Variants in RAB34 observed in about 807,000 individuals in gnomAD.
RAB34 encodes the protein RAB34, member RAS oncogene family.
A neutral mutation model predicts 39.0 loss-of-function variants in RAB34; 33 were observed. That is an observed-to-expected ratio of 0.85 (90% confidence interval 0.64 to 1.13). The LOEUF (loss-of-function observed/expected upper bound fraction) is 1.13. Ranked by LOEUF, RAB34 falls within the 50% of genes most tolerant of loss-of-function variation. The probability of loss-of-function intolerance (pLI) is 0.00; values close to 1 mark genes in which losing one functional copy is unlikely to be tolerated. For missense variants in RAB34, 289 were observed against 326.1 expected (o/e 0.89, Z 0.88); for synonymous variants, 135 against 125.1 (o/e 1.08, Z -0.53).
At position 28,717,390 on chromosome 17, in the gene RAB34, ACG is replaced by A. The variant is rs1567739515; in HGVS notation, c.-126_-125del. On this transcript the variant is annotated 5_prime_UTR_variant, in exon 1 of 10. It introduces an in-frame stop codon into an upstream open reading frame of the 5' UTR. Coordinates refer to ENST00000395245, the MANE Select transcript of RAB34 (RefSeq NM_031934.6). ...GGTGTCCCGACTACAACTCGGGGCC[ACG>A]GGGACCCTACGGGAGTCCGCGGTCT... 6.6e-7 allele frequency: 1 copy of A among 1,523,384 alleles called. No homozygotes were observed. Among genetic ancestry groups the A allele is most frequent in the African/African-American group, 1.4e-5 (1 of 72,194 alleles). 94.4% of individuals were successfully genotyped at this position (1,523,384 alleles called of 1,614,324 possible).
intron 3 of RAB34, 43 bp from the exon 4 acceptor site, chr17:28,715,944 G>A (rs2033347126): frequency 1.2e-6 from 2 of 1,612,764 alleles, no homozygotes; most frequent in Non-Finnish European, 1.7e-6. Context: ...CAGCCCACCT[G>A]GCTAGGCTTG....
In RAB34 at chr17:28,717,606, G is replaced by C. The variant is rs574314550; in HGVS notation, c.-340C>G. 7.1e-7 allele frequency: 1 copy of C among 1,400,710 alleles called. No homozygotes were observed. Among genetic ancestry groups the C allele is most frequent in the Admixed American group, 3.2e-5 (1 of 31,060 alleles). The allele number at this position is 1,400,710 out of a possible 1,614,324, so 86.8% of individuals were successfully genotyped here. On this transcript the variant is annotated 5_prime_UTR_variant, in exon 1 of 10. Coordinates refer to ENST00000395245, the MANE Select transcript of RAB34 (RefSeq NM_031934.6). ...GCCCGCGCAGACCCTACGATTACGCGGGGCCGGATAGTTCCTACGATTACG... is the reference window on the plus strand; with the variant it reads ...GCCCGCGCAGACCCTACGATTACGCCGGGCCGGATAGTTCCTACGATTACG...
intron 4 of RAB34, 28 bp downstream of exon 4, chr17:28,715,772 T>G (rs1422419531): frequency 6.8e-6 from 11 of 1,611,258 alleles, no homozygotes; most frequent in Non-Finnish European, 8.5e-7. Context: ...GGAGAAGGGA[T>G]AGCTGGAAGG....
chr17:28,717,078 G>A, intron 1 of RAB34, 84 bp from the exon 2 acceptor site: 7 of 1,567,312 alleles, frequency 4.5e-6, no homozygotes, highest in Non-Finnish European at 6.1e-6. Context: ...GGGGTGGAGT[G>A]CAGGGACCAC....
chr17:28,715,329 A>C (rs978935945), intron 6 of RAB34, 53 bp from the exon 7 acceptor site: 5 of 1,588,952 alleles, frequency 3.1e-6, no homozygotes, highest in Non-Finnish European at 4.3e-6. Context: ...GGCCCCTCCC[A>C]CTGACATTCA....
Position 28,715,722 on chromosome 17 carries a change from G to A in RAB34, c.315-17C>T. ...GTATCCCAACTGGAAGGAAGGAAGA[G>A]TGAAGCACAGGTATGTATCTTGGGG... On this transcript the variant is annotated splice_polypyrimidine_tract_variant and intron_variant, in intron 4 of 9. Coordinates refer to ENST00000395245, the MANE Select transcript of RAB34 (RefSeq NM_031934.6). 6.2e-7 allele frequency: 1 copy of A among 1,614,114 alleles called. No homozygotes were observed. Among genetic ancestry groups the A allele is most frequent in the East Asian group, 2.2e-5 (1 of 44,892 alleles).
intron 1 of RAB34, 93 bp downstream of exon 1, chr17:28,717,120 G>A: frequency 6.5e-7 from 1 of 1,533,834 alleles, no homozygotes; most frequent in African/African-American, 1.4e-5. Flanking sequence ...GGGTGGCAGG[G>A]CTGGGCCCAG....
rs199707713 is a variant in RAB34 at position 28,715,550 on chromosome 17, A to T, written c.380-43T>A. On this transcript the variant is annotated intron_variant, in intron 5 of 9. Coordinates refer to ENST00000395245, the MANE Select transcript of RAB34 (RefSeq NM_031934.6). The stretch of plus-strand genomic sequence containing the variant: ...ACAGCCCCAGGTTGACAGGGAAGAC[A>T]CTACTGCTCATTTCCCCAATCCTTC... 1.1e-5 allele frequency: 17 copies of T among 1,614,128 alleles called. No individual in the cohort carries two copies. In the Admixed American group the frequency reaches 2.3e-4, roughly 22 times the overall value.
intron 8 of RAB34, 63 bp downstream of exon 8, chr17:28,714,969 T>G: frequency 3.8e-6 from 6 of 1,595,966 alleles, no homozygotes; most frequent in Non-Finnish European, 5.2e-6. Flanking sequence ...CAGCTGGAGG[T>G]GTAGCAGTGA....
At chr17:28,715,741 CT>C (rs761338534) in intron 4 of RAB34, 36 bp from the exon 5 acceptor site, 2 of 1,613,782 alleles carry the variant, frequency 1.2e-6, no homozygotes, top group Admixed American at 1.7e-5. Context: ...AGGTATGTAT[CT>C]TGGGGGGTGT....
At chr17:28,714,762 C>T (rs1291413040) in intron 9 of RAB34, 31 bp downstream of exon 9, 4 of 1,614,062 alleles carry the variant, frequency 2.5e-6, no homozygotes, top group Non-Finnish European at 3.4e-6. Context: ...TCACTGTGCC[C>T]TCTGCCACCC....
rs1218856413 is a variant in RAB34, at chr17:28,717,485, A to G, written c.-219T>C. The G allele has an allele frequency of 2.1e-6, 3 of 1,435,372 alleles. No homozygotes were observed. Among genetic ancestry groups the G allele is most frequent in the Admixed American group, 2.7e-5 (1 of 36,914 alleles). The allele number at this position is 1,435,372 out of a possible 1,614,324, so 88.9% of individuals were successfully genotyped here. ...CACCCGGGGCCGCGGCGAGCCCAAA[A>G]TCACCCGGGCCCTGGGCGTCCCGAA... On this transcript the variant is annotated 5_prime_UTR_variant, in exon 1 of 10. Transcript: ENST00000395245.
intron 8 of RAB34, 52 bp downstream of exon 8, chr17:28,714,980 G>A: frequency 6.2e-7 from 1 of 1,600,062 alleles, no homozygotes. Context: ...GTAGCAGTGA[G>A]AGGAGAGCCA....
chr17:28,717,786 C>T lies in RAB34; in HGVS notation c.-520G>A. On this transcript the variant is annotated 5_prime_UTR_variant, in exon 1 of 10. Transcript: ENST00000395245. The stretch of plus-strand genomic sequence containing the variant: ...GCAGGGGCGGCGCTGCCAAGGCCCG[C>T]AGGCCGCTGGAGGAGGGGGCGAGGG... 7.5e-7 allele frequency: 1 copy of T among 1,326,830 alleles called. No homozygotes were observed. The highest frequency in any genetic ancestry group is 2.2e-5 in the South Asian group (1 of 45,898). 82.2% of individuals were successfully genotyped at this position (1,326,830 alleles called of 1,614,324 possible).
Position 28,714,570 on chromosome 17 carries a change from G to T in RAB34, c.*73C>A, listed in dbSNP as rs760008128. 2 of 1,613,126 alleles carry T rather than the reference G, an allele frequency of 1.2e-6. No homozygotes were observed. The highest frequency in any genetic ancestry group is 1.7e-6 in the Non-Finnish European group (2 of 1,180,004). Reference sequence around the variant, plus strand: ...GATAAAGTCAGTGCAAATGTCCAGGGGTCAAGCTCTGGAGGAATGAGGGTG... The same window carrying T: ...GATAAAGTCAGTGCAAATGTCCAGGTGTCAAGCTCTGGAGGAATGAGGGTG... On this transcript the variant is annotated 3_prime_UTR_variant, in exon 10 of 10. Transcript: ENST00000395245.
intron 6 of RAB34, 79 bp downstream of exon 6, chr17:28,715,374 ATTC>A: frequency 6.3e-7 from 1 of 1,594,728 alleles, no homozygotes. Context: ...TCCTACATGC[ATTC>A]TTCTTCTTCC....
chr17:28,715,237 G>A lies in RAB34; in HGVS notation c.471C>T (p.Ser157=). The change falls in exon 7 of 10, where the codon TCC becomes TCT. Residue 157 remains serine (S), a synonymous_variant. Transcript: ENST00000395245. ...LADALKENDP[S]SVLLFLVGSK... Reference sequence around the variant, plus strand: ...AACCTACAAGGAAGAGAAGCACACTGGAAGGGTCATTCTCCTTCAGGGCAT... The same window carrying A: ...AACCTACAAGGAAGAGAAGCACACTAGAAGGGTCATTCTCCTTCAGGGCAT... 1 of 1,613,910 alleles carries A rather than the reference G, an allele frequency of 6.2e-7. No individual in the cohort carries two copies. The highest frequency in any genetic ancestry group is 1.1e-5 in the South Asian group (1 of 91,076).
rs1431255499 is a variant in RAB34 at position 28,716,350 on chromosome 17, A to C, written c.147-292T>G. 9 of 429,896 alleles carry C rather than the reference A, an allele frequency of 2.1e-5. No individual in the cohort carries two copies. In the East Asian group the frequency reaches 3.5e-4, roughly 17 times the overall value. The allele number at this position is 429,896 out of a possible 1,614,324, so 26.6% of individuals were successfully genotyped here. A position where few individuals can be genotyped will look rare whatever the true frequency, so the allele number is the denominator to read the frequency against. On this transcript the variant is annotated intron_variant, in intron 2 of 9. Coordinates refer to ENST00000395245, the MANE Select transcript of RAB34 (RefSeq NM_031934.6). ...TCAGTTTAAACATTTAAGTAAAGTT[A>C]GTATATATTTTACTGGGTCGTTGTG...
chr17:28,715,788 G>A lies in RAB34; in HGVS notation c.314+12C>T, dbSNP rs2033308999. Reference sequence around the variant, plus strand: ...GAGAAGGGATAGCTGGAAGGGGTGTGGAAGCACTCACAGCTGCAAACTGAA... The same window carrying A: ...GAGAAGGGATAGCTGGAAGGGGTGTAGAAGCACTCACAGCTGCAAACTGAA... On this transcript the variant is annotated intron_variant, in intron 4 of 9. Coordinates refer to ENST00000395245, the MANE Select transcript of RAB34 (RefSeq NM_031934.6). The A allele has an allele frequency of 1.2e-6, 2 of 1,612,570 alleles. No homozygotes were observed. The highest frequency in any genetic ancestry group is 1.7e-6 in the Non-Finnish European group (2 of 1,178,786).
Sources: allele counts gnomAD v4.1 joint callset, GRCh38; gene constraint gnomAD v4.1.1; transcripts MANE v1.5; gene names NCBI Gene and HGNC (gene_info 2026-07-23, HGNC 2026-07-21).